The following TAF1 variants were observed in gnomAD, a reference collection of about 807,000 sequenced individuals.
TAF1 encodes the protein transcription initiation factor TFIID subunit 1.
In TAF1, 2 loss-of-function variants were observed where a neutral mutation model predicts 138.5. The observed-to-expected ratio is 0.01, with a 90% CI of 0.01 to 0.05. The LOEUF (loss-of-function observed/expected upper bound fraction) is 0.05, where lower values mean the gene tolerates loss of function less well. Among genes scored for constraint, TAF1 ranks in the 10% least tolerant of loss-of-function variants. The pLI is 1.00. For missense variants in TAF1, 709 were observed against 1,478.0 expected (o/e 0.48, Z 8.53); for synonymous variants, 437 against 503.2 (o/e 0.87, Z 1.76).
chrX:71,395,797 G>T (rs892831971), intron 22 of TAF1, among the ~76,000 whole-genome samples: 1 of 111,345 alleles, frequency 9.0e-6, no homozygotes, highest in African/African-American at 3.3e-5. Flanking sequence ...CTGGAACACA[G>T]TATCTGTATC....
intron 24 of TAF1, among the ~76,000 whole-genome samples, chrX:71,401,200 G>A (rs1227648348): frequency 9.0e-6 from 1 of 111,513 alleles, no homozygotes; most frequent in African/African-American, 3.3e-5. Flanking sequence ...GCTTCTGGTT[G>A]ATCAGTGCAT....
chrX:71,378,155 C>T (rs2033617946), intron 6 of TAF1, 80 bp from the exon 7 acceptor site: 1 of 1,008,917 alleles, frequency 9.9e-7, no homozygotes, highest in Non-Finnish European at 1.4e-6. Context: ...AAGTTCCCCT[C>T]CTGACTGTTA....
At chrX:71,393,870 G>T (rs1388686406) in intron 21 of TAF1, among the ~76,000 whole-genome samples, 197 bp from the exon 22 acceptor site, 1 of 112,221 alleles carries the variant, frequency 8.9e-6, no homozygotes, top group African/African-American at 3.2e-5. Context: ...CAGGAATTCT[G>T]AAAGAGTTAC....
At chrX:71,513,750 G>A (rs1378526335) in intron 13 of TAF1, among the ~76,000 whole-genome samples, 1 of 111,550 alleles carries the variant, frequency 9.0e-6, no homozygotes, top group Non-Finnish European at 1.9e-5. Flanking sequence ...GCCAGGTGAG[G>A]TGGTGCATGC....
At chrX:71,388,076 G>C (rs1424773059) in intron 15 of TAF1, among the ~76,000 whole-genome samples, 161 bp from the exon 16 acceptor site, 1 of 112,516 alleles carries the variant, frequency 8.9e-6, no homozygotes, top group East Asian at 2.8e-4. Context: ...CTCTACTCTG[G>C]GTGACAGAGC....
intron 35 of TAF1, among the ~76,000 whole-genome samples, chrX:71,458,728 A>G (rs2038415553): frequency 8.9e-6 from 1 of 112,183 alleles, no homozygotes; most frequent in East Asian, 2.8e-4. Flanking sequence ...AATTAAAATT[A>G]TTTATAAAAT....
chrX:71,507,698 T>C (rs1478407217), intron 13 of TAF1, among the ~76,000 whole-genome samples: 1 of 111,523 alleles, frequency 9.0e-6, no homozygotes, highest in East Asian at 2.8e-4. Flanking sequence ...TAAGTGATCC[T>C]CCCACCTCAG....
chrX:71,457,222 A>G (rs1478732313), intron 34 of TAF1, among the ~76,000 whole-genome samples: 1 of 112,398 alleles, frequency 8.9e-6, no homozygotes, highest in Non-Finnish European at 1.9e-5. Flanking sequence ...TTTTTAAAAA[A>G]CACAATGTAA....
chrX:71,435,200 C>T (rs1434006288), intron 32 of TAF1, among the ~76,000 whole-genome samples: 1 of 112,047 alleles, frequency 8.9e-6, no homozygotes, highest in Non-Finnish European at 1.9e-5. Flanking sequence ...TTTTAGAATG[C>T]TCAGTTGGAC....
At chrX:71,489,273 G>C (rs1303706163) in intron 13 of TAF1, among the ~76,000 whole-genome samples, 1 of 110,861 alleles carries the variant, frequency 9.0e-6, no homozygotes, top group Non-Finnish European at 1.9e-5. Context: ...GTGATACTGG[G>C]GTTTAAGATG....
At chrX:71,529,627 A>G (rs2040066685) in intron 14 of TAF1, 2 of 323,505 alleles carry the variant, frequency 6.2e-6, no homozygotes, top group East Asian at 1.9e-4. Flanking sequence ...CATAAGTCCA[A>G]TAAGTACAGG....
intron 32 of TAF1, among the ~76,000 whole-genome samples, chrX:71,449,540 TC>T (rs2148773631): frequency 8.9e-6 from 1 of 112,802 alleles, no homozygotes; most frequent in African/African-American, 3.2e-5. Flanking sequence ...AACTAATTTT[TC>T]CTTGTATTAT....
Position 71,397,239 on chromosome X carries a change from T to G in TAF1, c.3407-14T>G, listed in dbSNP as rs775927893. 8.3e-7 allele frequency: 1 copy of G among 1,208,253 alleles called. No homozygotes were observed. Among genetic ancestry groups the G allele is most frequent in the Non-Finnish European group, 1.1e-6 (1 of 893,445 alleles). On this transcript the variant is annotated splice_polypyrimidine_tract_variant and intron_variant, in intron 22 of 37. Coordinates refer to ENST00000423759, the MANE Select transcript of TAF1 (RefSeq NM_004606.5). Reference sequence around the variant, plus strand: ...AAGGGGAACGTTTGGAAATCTTTTCTACCTACCTTGCAGCAGCAGGCTCAG... The same window carrying G: ...AAGGGGAACGTTTGGAAATCTTTTCGACCTACCTTGCAGCAGCAGGCTCAG...
intron 13 of TAF1, among the ~76,000 whole-genome samples, chrX:71,494,192 G>A (rs773104693): frequency 2.2e-4 from 24 of 111,519 alleles, no homozygotes; most frequent in Middle Eastern, 4.7e-3. Context: ...GGAGGCCAAG[G>A]CAGGCAGATC....
At chrX:71,399,567 C>CT (rs35622645) in intron 24 of TAF1, among the ~76,000 whole-genome samples, 84 of 28,886 alleles carry the variant, frequency 2.9e-3, no homozygotes, top group Middle Eastern at 0.042. Flanking sequence ...GTTATTTATT[C>CT]TTTTTTTTTT....
At chrX:71,382,690 G>A in intron 10 of TAF1, 27 bp downstream of exon 10, 1 of 1,204,668 alleles carries the variant, frequency 8.3e-7, no homozygotes, top group Non-Finnish European at 1.1e-6. Context: ...GGGGCTTGGT[G>A]TTTAGAAGAA....
intron 32 of TAF1, among the ~76,000 whole-genome samples, chrX:71,444,611 G>A (rs2037595804): frequency 9.0e-6 from 1 of 111,092 alleles, no homozygotes; most frequent in Non-Finnish European, 1.9e-5. Flanking sequence ...CAGCTACTTG[G>A]GAGGCTGAGA....
intron 20 of TAF1, 48 bp downstream of exon 20, chrX:71,393,042 GA>G: frequency 8.4e-7 from 1 of 1,193,327 alleles, no homozygotes; most frequent in Non-Finnish European, 1.1e-6. Context: ...GCTTTGTATA[GA>G]GTTGGAATTG....
At chrX:71,452,560 G>A (rs1202439124) in intron 32 of TAF1, among the ~76,000 whole-genome samples, 1 of 108,394 alleles carries the variant, frequency 9.2e-6, no homozygotes, top group East Asian at 3.0e-4. Context: ...GGGTAGAGAC[G>A]CTCCTCACTT....
Sources: allele counts gnomAD v4.1 joint callset (sites outside exome capture counted in the v4.1 genomes callset), GRCh38; gene constraint gnomAD v4.1.1; transcripts MANE v1.5; gene names NCBI Gene and HGNC (gene_info 2026-07-23, HGNC 2026-07-21).